ANTXR2: variants seen among roughly 807,000 people sequenced by gnomAD.
The protein encoded by ANTXR2 is ANTXR cell adhesion molecule 2.
ANTXR2 carries 44 observed loss-of-function variants against 73.7 expected under a neutral mutation model. The observed-to-expected ratio is 0.60, with a 90% CI of 0.47 to 0.77. The LOEUF (loss-of-function observed/expected upper bound fraction) is 0.77, where lower values mean the gene tolerates loss of function less well. Ranked by LOEUF, ANTXR2 falls within the 30% of genes least tolerant of loss-of-function variation. The pLI is 0.00. For synonymous variants in ANTXR2, 217 were observed against 205.9 expected (o/e 1.05, Z -0.46); for missense variants, 604 against 592.5 (o/e 1.02, Z -0.20).
intron 10 of ANTXR2, among the ~76,000 whole-genome samples, chr4:80,023,862 C>A (rs952674578): frequency 6.6e-6 from 1 of 152,198 alleles, no homozygotes; most frequent in Non-Finnish European, 1.5e-5. Context: ...GAGAAAAGAT[C>A]ATTGAGTCCC....
intron 10 of ANTXR2, chr4:80,024,903 T>C (rs774224127): frequency 3.8e-6 from 1 of 262,686 alleles, no homozygotes; most frequent in Non-Finnish European, 7.8e-6. Flanking sequence ...AGTGGCACCT[T>C]GTGCAGATAA....
intron 7 of ANTXR2, among the ~76,000 whole-genome samples, chr4:80,046,924 ACCAAATGGTAC>A (rs1272499374): frequency 4.1e-4 from 63 of 151,880 alleles, no homozygotes; most frequent in Middle Eastern, 3.4e-3. Context: ...CATAATGTAC[ACCAAATGGTAC>A]ATTTGGTGAC....
chr4:79,989,643 T>C (rs955252487), intron 12 of ANTXR2, among the ~76,000 whole-genome samples: 1 of 152,064 alleles, frequency 6.6e-6, no homozygotes, highest in African/African-American at 2.4e-5. Flanking sequence ...AAGGCTAGCA[T>C]CATTCTGATA....
At chr4:80,052,769 G>A (rs900499098) in intron 7 of ANTXR2, among the ~76,000 whole-genome samples, 4 of 151,392 alleles carry the variant, frequency 2.6e-5, no homozygotes, top group African/African-American at 9.7e-5. Context: ...GGCAAGAAAG[G>A]CCATACTTAG....
intron 16 of ANTXR2, among the ~76,000 whole-genome samples, chr4:79,908,796 C>T (rs993751858): frequency 2.0e-5 from 3 of 152,116 alleles, no homozygotes; most frequent in African/African-American, 7.2e-5. Flanking sequence ...GTACTCCAGA[C>T]TGTATTTTTG....
At chr4:79,944,279 T>A (rs1228163000) in intron 16 of ANTXR2, among the ~76,000 whole-genome samples, 3 of 89,162 alleles carry the variant, frequency 3.4e-5, no homozygotes, top group Admixed American at 1.5e-4. Context: ...CAGAAAAATT[T>A]AAATAATGCT....
At position 79,960,383 on chromosome 4, in the gene ANTXR2, A is replaced by G. The variant is rs79401801; in HGVS notation, c.1428+17238T>C. Among the ~76,000 whole-genome samples, 456 of 152,286 alleles carry G rather than the reference A, an allele frequency of 3.0e-3. 11 individuals carry two copies. Among genetic ancestry groups the G allele is most frequent in the Admixed American group, 0.023 (353 of 15,280 alleles). ...AAGAAGCATTATGGGAACCTAAAGT[A>G]TCTTTCTGCCACATTTTCCAAGTGA... On this transcript the variant is annotated intron_variant, in intron 16 of 16. Transcript: ENST00000403729.
intron 3 of ANTXR2, among the ~76,000 whole-genome samples, chr4:80,068,547 T>C (rs1164427466): frequency 6.6e-6 from 1 of 152,108 alleles, no homozygotes; most frequent in Non-Finnish European, 1.5e-5. Context: ...GGCAGGCAGA[T>C]CTCTTGAGGT....
At chr4:80,027,013 G>C (rs1388858034) in intron 10 of ANTXR2, among the ~76,000 whole-genome samples, 2 of 152,106 alleles carry the variant, frequency 1.3e-5, no homozygotes, top group Non-Finnish European at 2.9e-5. Flanking sequence ...TTCCACCAAG[G>C]AAGTGTGGGG....
chr4:80,055,190 C>T lies in ANTXR2; in HGVS notation c.515G>A (p.Ser172Asn). The T allele has an allele frequency of 6.4e-7, 1 of 1,568,562 alleles. No individual in the cohort carries two copies. Among genetic ancestry groups the T allele is most frequent in the Non-Finnish European group, 8.7e-7 (1 of 1,155,354 alleles). The change falls in exon 6 of 17, where the codon AGT (serine) becomes AAT (asparagine). Residue 172 changes from serine (S) to asparagine (N), a missense_variant. Ser to Asn is a conservative substitution (Grantham distance 46, BLOSUM62 1). Coordinates refer to ENST00000403729, the MANE Select transcript of ANTXR2 (RefSeq NM_058172.6). ...ATCAAGGACACCAACACAATAAACACTAGCCCCAAGTGACCTGGATATCTT... is the reference window on the plus strand; with the variant it reads ...ATCAAGGACACCAACACAATAAACATTAGCCCCAAGTGACCTGGATATCTT... ...EAKISRSLGA[S>N]VYCVGVLDFE...
intron 16 of ANTXR2, among the ~76,000 whole-genome samples, chr4:79,937,113 CTTAA>C (rs1368740156): frequency 5.9e-5 from 9 of 151,914 alleles, no homozygotes; most frequent in Admixed American, 2.0e-4. Flanking sequence ...CACTCATAAA[CTTAA>C]TTAAGCTTTT....
At chr4:80,054,400 A>T (rs971389278) in intron 6 of ANTXR2, 48 bp from the exon 7 acceptor site, 1 of 1,301,546 alleles carries the variant, frequency 7.7e-7, no homozygotes, top group Non-Finnish European at 1.1e-6. Context: ...TGACACATAC[A>T]ACAATTTATA....
chr4:79,908,309 C>T (rs1159342329), intron 16 of ANTXR2, among the ~76,000 whole-genome samples: 1 of 152,122 alleles, frequency 6.6e-6, no homozygotes, highest in Non-Finnish European at 1.5e-5. Flanking sequence ...ATTGACATTT[C>T]TGTATTTCTT....
chr4:80,050,640 T>C (rs953011282), intron 7 of ANTXR2, among the ~76,000 whole-genome samples: 1 of 151,716 alleles, frequency 6.6e-6, no homozygotes, highest in African/African-American at 2.4e-5. Flanking sequence ...GAAATTACAT[T>C]GCCGGACATA....
rs570141880 is a variant in ANTXR2, at chr4:79,952,236, T to A, written c.1428+25385A>T. Among the ~76,000 whole-genome samples, 4 of 151,064 alleles carry A rather than the reference T, an allele frequency of 2.6e-5. 1 individual carries two copies. The South Asian group carries it at 8.3e-4, about 31-fold the overall frequency. ...TAATTCTAATTAGATTAGATTCTAA[T>A]TAGAATCCATCTTGACTATACAACT... On this transcript the variant is annotated intron_variant, in intron 16 of 16. Coordinates refer to ENST00000403729, the MANE Select transcript of ANTXR2 (RefSeq NM_058172.6).
At chr4:79,981,474 G>T (rs1053862090) in intron 14 of ANTXR2, among the ~76,000 whole-genome samples, 1 of 151,810 alleles carries the variant, frequency 6.6e-6, no homozygotes, top group Admixed American at 6.6e-5. Context: ...TATGTTTGAC[G>T]CACACCTTAT....
intron 2 of ANTXR2, among the ~76,000 whole-genome samples, chr4:80,070,869 T>C (rs1314577129): frequency 6.8e-6 from 1 of 146,854 alleles, no homozygotes; most frequent in Admixed American, 6.8e-5. Flanking sequence ...ATTTTTTCTT[T>C]AAAAAAAAAA....
At chr4:80,062,457 A>G (rs2110116180) in intron 3 of ANTXR2, among the ~76,000 whole-genome samples, 1 of 152,286 alleles carries the variant, frequency 6.6e-6, no homozygotes, top group East Asian at 1.9e-4. Context: ...ATTTTCTAGA[A>G]CATGCTCATA....
chr4:80,069,983 G>A (rs982839095), intron 2 of ANTXR2, among the ~76,000 whole-genome samples: 50 of 152,172 alleles, frequency 3.3e-4, no homozygotes, highest in Admixed American at 3.3e-3. Context: ...AAGAGTCATG[G>A]AAAATGTGAA....
Sources: gnomAD v4.1 joint callset for allele counts (sites outside exome capture counted in the v4.1 genomes callset) on GRCh38, gnomAD v4.1.1 for gene constraint, MANE v1.5 for transcripts, NCBI Gene and HGNC (gene_info 2026-07-23, HGNC 2026-07-21) for gene names.